The following CCDC127 variants were observed in gnomAD, a reference collection of about 807,000 sequenced individuals.
CCDC127 encodes the protein coiled-coil domain-containing protein 127.
Under a neutral mutation model 4.1 loss-of-function variants are expected in CCDC127, and 2 were observed. That is an observed-to-expected ratio of 0.49 (90% confidence interval 0.20 to 1.53). The LOEUF is 1.53. Ranked by LOEUF, CCDC127 falls within the 40% of genes most tolerant of loss-of-function variation. The probability of loss-of-function intolerance (pLI) is 0.23; values close to 1 mark genes in which losing one functional copy is unlikely to be tolerated. For synonymous variants in CCDC127, 98 were observed against 120.4 expected (o/e 0.81, Z 1.22); for missense variants, 271 against 322.9 (o/e 0.84, Z 1.23).
At chr5:206,944 C>G (rs562900815) in intron 2 of CCDC127, among the ~76,000 whole-genome samples, 1 of 152,266 alleles carries the variant, frequency 6.6e-6, no homozygotes, top group South Asian at 2.1e-4. Context: ...GTAACCCCTC[C>G]CCTACTAACT....
chr5:210,530 G>A (rs996938122), intron 2 of CCDC127, among the ~76,000 whole-genome samples: 2 of 152,342 alleles, frequency 1.3e-5, no homozygotes, highest in South Asian at 2.1e-4. Flanking sequence ...CAATGAGCAC[G>A]TGAAGAGGTG....
In CCDC127 at chr5:198,429, A is replaced by T. The variant is rs1470938298; in HGVS notation, c.*6868T>A. 1 of 152,328 alleles carries T rather than the reference A, an allele frequency of 6.6e-6. No homozygotes were observed. The highest frequency in any genetic ancestry group is 1.5e-5 in the Non-Finnish European group (1 of 68,088). The allele number at this position is 152,328 out of a possible 1,614,324, so 9.4% of individuals were successfully genotyped here. A position where few individuals can be genotyped will look rare whatever the true frequency, so the allele number is the denominator to read the frequency against. On this transcript the variant is annotated 3_prime_UTR_variant, in exon 3 of 3. Transcript: ENST00000296824. ...TTGTAAGACTCAGCCGCTGGGCGGC[A>T]TGATGACCAACCTTAAGGCCTGTGG...
chr5:214,655 T>G (rs1045212040), intron 2 of CCDC127: 2 of 152,126 alleles, frequency 1.3e-5, no homozygotes, highest in African/African-American at 4.8e-5. Flanking sequence ...CCCTGGGAGC[T>G]ACTCAGGGTA....
In CCDC127 at chr5:196,973, T is replaced by C. The variant is rs1347218812; in HGVS notation, c.*8324A>G. 1.3e-5 allele frequency: 2 copies of C among 150,314 alleles called. No homozygotes were observed. The highest frequency in any genetic ancestry group is 2.1e-4 in the South Asian group (1 of 4,704). The allele number at this position is 150,314 out of a possible 1,614,324, so 9.3% of individuals were successfully genotyped here. On this transcript the variant is annotated 3_prime_UTR_variant, in exon 3 of 3. Transcript: ENST00000296824. ...TCAGTTTTTATTATTATTTTCATTA[T>C]TTCAGCAAAAAGGAATGTAGTAGGA... is the stretch of plus-strand genomic sequence containing the variant.
intron 1 of CCDC127, 53 bp downstream of exon 1, chr5:218,040 G>C (rs1399185858): frequency 2.0e-5 from 21 of 1,046,048 alleles, no homozygotes; most frequent in African/African-American, 3.3e-5. Flanking sequence ...ACCACCCACG[G>C]GGCTTTAAAA....
At chr5:216,369 G>T in intron 2 of CCDC127, 1 of 239,922 alleles carries the variant, frequency 4.2e-6, no homozygotes, top group Non-Finnish European at 8.4e-6. Flanking sequence ...TTGTTCCCCA[G>T]CAGTCCTTAT....
chr5:210,489 T>C (rs1043315250), intron 2 of CCDC127, among the ~76,000 whole-genome samples: 3 of 152,188 alleles, frequency 2.0e-5, no homozygotes, highest in Admixed American at 6.5e-5. Context: ...AAGGCAAGAA[T>C]ACTCATTTCA....
At chr5:210,394 C>A (rs1247374895) in intron 2 of CCDC127, among the ~76,000 whole-genome samples, 1 of 152,112 alleles carries the variant, frequency 6.6e-6, no homozygotes, top group Non-Finnish European at 1.5e-5. Flanking sequence ...GCCACATATG[C>A]AACTAAGGAC....
chr5:206,811 A>G (rs908833411), intron 2 of CCDC127, among the ~76,000 whole-genome samples: 1 of 152,158 alleles, frequency 6.6e-6, no homozygotes, highest in Non-Finnish European at 1.5e-5. Context: ...CTGCTTGTAC[A>G]TTCTAAAAGC....
chr5:200,936 A>C lies in CCDC127; in HGVS notation c.*4361T>G. On this transcript the variant is annotated 3_prime_UTR_variant, in exon 3 of 3. Transcript: ENST00000296824. ...AGCGTCTACACAGCAGGCTGCCCCC[A>C]TCACAGCCAGCCAGCGTCTACACAG... is the stretch of plus-strand genomic sequence containing the variant. 2 of 128,782 alleles carry C rather than the reference A, an allele frequency of 1.6e-5. No individual in the cohort carries two copies. The highest frequency in any genetic ancestry group is 2.6e-4 in the South Asian group (1 of 3,806). The allele number at this position is 128,782 out of a possible 1,614,324, so 8.0% of individuals were successfully genotyped here.
chr5:213,477 C>A lies in CCDC127; in HGVS notation c.121+3252G>T, dbSNP rs368572097. Among the ~76,000 whole-genome samples, 10 of 121,692 alleles carry A rather than the reference C, an allele frequency of 8.2e-5. No homozygotes were observed. The East Asian group carries it at 2.2e-3, about 27-fold the overall frequency. The allele number at this position is 121,692 out of a possible 152,430, so 79.8% of individuals were successfully genotyped here. A position where few individuals can be genotyped will look rare whatever the true frequency, so the allele number is the denominator to read the frequency against. On this transcript the variant is annotated intron_variant, in intron 2 of 2. Coordinates refer to ENST00000296824, the MANE Select transcript of CCDC127 (RefSeq NM_145265.3). ...ACACTGCAGCCACGACGAGACAGCACCACACACCCATCAGGATGGGGCAGA... is the reference window on the plus strand; with the variant it reads ...ACACTGCAGCCACGACGAGACAGCAACACACACCCATCAGGATGGGGCAGA...
At position 202,927 on chromosome 5, in the gene CCDC127, T is replaced by G. The variant is rs11744204; in HGVS notation, c.*2370A>C. ...ACAACAGGAAGAGTTTTGTCCAGATTTACCGAAAAAATGACTTTTTAGGGG... is the reference window on the plus strand; with the variant it reads ...ACAACAGGAAGAGTTTTGTCCAGATGTACCGAAAAAATGACTTTTTAGGGG... On this transcript the variant is annotated 3_prime_UTR_variant, in exon 3 of 3. Transcript: ENST00000296824. 30,633 of 151,954 alleles carry G rather than the reference T, an allele frequency of 0.2. 4,317 individuals carry two copies. The highest frequency in any genetic ancestry group is 0.39 in the African/African-American group (16,266 of 41,392). The allele number at this position is 151,954 out of a possible 1,614,324, so 9.4% of individuals were successfully genotyped here.
In CCDC127 at chr5:205,351, G is replaced by A. The variant is rs768603700; in HGVS notation, c.729C>T (p.Leu243=). The change falls in exon 3 of 3, where the codon CTC becomes CTT. Residue 243 remains leucine, a synonymous_variant. Transcript: ENST00000296824. ...TCTTAAACTTCTTCAGTTCGACAAC[G>A]AGTTCCCAGTATTTGAGATAGAGCC... is the stretch of plus-strand genomic sequence containing the variant. The part of the protein sequence containing the change: ...LMWLYLKYWE[L]VVELKKFKRV... The A allele has an allele frequency of 4.0e-5, 65 of 1,613,908 alleles. No homozygotes were observed. Among genetic ancestry groups the A allele is most frequent in the Non-Finnish European group, 5.3e-5 (62 of 1,179,912 alleles).
In CCDC127 at chr5:197,123, C is replaced by T. The variant is rs1051343141; in HGVS notation, c.*8174G>A. On this transcript the variant is annotated 3_prime_UTR_variant, in exon 3 of 3. Transcript: ENST00000296824. ...CGTAGGCCAGATTTATGTTTCTCTC[C>T]ACCCAAACATCTCAGCAGAGTAAAG... The T allele has an allele frequency of 7.2e-5, 11 of 152,196 alleles. No homozygotes were observed. The highest frequency in any genetic ancestry group is 2.1e-4 in the South Asian group (1 of 4,824). The allele number at this position is 152,196 out of a possible 1,614,324, so 9.4% of individuals were successfully genotyped here.
At position 197,296 on chromosome 5, in the gene CCDC127, C is replaced by CCA. The variant is rs1560971558; in HGVS notation, c.*8000_*8001insTG. ...CGAGCAGGAGACAGTGGACTTCTCTCTCTCAACTGCAAGAGGCTTTCGTCT... is the reference window on the plus strand; with the variant it reads ...CGAGCAGGAGACAGTGGACTTCTCTCCATCTCAACTGCAAGAGGCTTTCGTCT... On this transcript the variant is annotated 3_prime_UTR_variant, in exon 3 of 3. Coordinates refer to ENST00000296824, the MANE Select transcript of CCDC127 (RefSeq NM_145265.3). 2 of 152,216 alleles carry CCA rather than the reference C, an allele frequency of 1.3e-5. No homozygotes were observed. Among genetic ancestry groups the CCA allele is most frequent in the African/African-American group, 2.4e-5 (1 of 41,450 alleles). 9.4% of individuals were successfully genotyped at this position (152,216 alleles called of 1,614,324 possible). A position where few individuals can be genotyped will look rare whatever the true frequency, so the allele number is the denominator to read the frequency against.
intron 2 of CCDC127, among the ~76,000 whole-genome samples, chr5:209,644 A>G (rs1734240320): frequency 7.6e-6 from 1 of 130,924 alleles, no homozygotes; most frequent in Non-Finnish European, 1.6e-5. Context: ...ACACAGAAAC[A>G]ACCCTTCGCA....
chr5:197,860 CCCA>C lies in CCDC127; in HGVS notation c.*7434_*7436del, dbSNP rs2126496357. 1 of 96,430 alleles carries C rather than the reference CCCA, an allele frequency of 1.0e-5. No individual in the cohort carries two copies. Among genetic ancestry groups the C allele is most frequent in the South Asian group, 3.9e-4 (1 of 2,592 alleles). The allele number at this position is 96,430 out of a possible 1,614,324, so 6.0% of individuals were successfully genotyped here. On this transcript the variant is annotated 3_prime_UTR_variant, in exon 3 of 3. Coordinates refer to ENST00000296824, the MANE Select transcript of CCDC127 (RefSeq NM_145265.3). ...GTGTCACCCCCTCCCCGAGTGTGTC[CCCA>C]CCCCAGGGGCCCCCATGTCACCCCA...
chr5:196,958 T>TTGAG lies in CCDC127; in HGVS notation c.*8338_*8339insCTCA, dbSNP rs1377776180. 1 of 146,902 alleles carries TTGAG rather than the reference T, an allele frequency of 6.8e-6. No homozygotes were observed. The highest frequency in any genetic ancestry group is 1.5e-5 in the Non-Finnish European group (1 of 66,070). 9.1% of individuals were successfully genotyped at this position (146,902 alleles called of 1,614,324 possible). On this transcript the variant is annotated 3_prime_UTR_variant, in exon 3 of 3. Coordinates refer to ENST00000296824, the MANE Select transcript of CCDC127 (RefSeq NM_145265.3). ...GGCCTCTGAGTTCCCTCAGTTTTTATTATTATTTTCATTATTTCAGCAAAA... is the reference window on the plus strand; with the variant it reads ...GGCCTCTGAGTTCCCTCAGTTTTTATTGAGTATTATTTTCATTATTTCAGCAAAA...
Position 200,576 on chromosome 5 carries a change from T to C in CCDC127, c.*4721A>G, listed in dbSNP as rs1251648931. On this transcript the variant is annotated 3_prime_UTR_variant, in exon 3 of 3. Coordinates refer to ENST00000296824, the MANE Select transcript of CCDC127 (RefSeq NM_145265.3). The stretch of plus-strand genomic sequence containing the variant: ...GGCCCCTGAGAGTCCCTTATTTGTC[T>C]TTCTGGTTCTTCTCTGACATCTAAC... 1.3e-5 allele frequency: 2 copies of C among 152,286 alleles called. No individual in the cohort carries two copies. The highest frequency in any genetic ancestry group is 2.4e-5 in the African/African-American group (1 of 41,464). The allele number at this position is 152,286 out of a possible 1,614,324, so 9.4% of individuals were successfully genotyped here.
Sources: allele counts gnomAD v4.1 joint callset (sites outside exome capture counted in the v4.1 genomes callset), GRCh38; gene constraint gnomAD v4.1.1; transcripts MANE v1.5; gene names NCBI Gene and HGNC (gene_info 2026-07-23, HGNC 2026-07-21).